Variants in GPM6B observed in about 807,000 individuals in gnomAD.
GPM6B encodes neuronal membrane glycoprotein M6-b.
Under a neutral mutation model 27.2 loss-of-function variants are expected in GPM6B, and 4 were observed. That is an observed-to-expected ratio of 0.15 (90% confidence interval 0.07 to 0.34). GPM6B has a LOEUF of 0.34. Among genes scored for constraint, GPM6B ranks in the 10% least tolerant of loss-of-function variants. The probability of loss-of-function intolerance (pLI) is 1.00; values close to 1 mark genes in which losing one functional copy is unlikely to be tolerated. For synonymous variants in GPM6B, 124 were observed against 103.1 expected, an observed-to-expected ratio of 1.20 and a Z score of -1.23; for missense variants, 183 against 261.9, an observed-to-expected ratio of 0.70 and a Z score of 2.08.
chrX:13,901,538 G>A (rs758354947), intron 1 of GPM6B, among the ~76,000 whole-genome samples: 5 of 110,778 alleles, frequency 4.5e-5, no homozygotes, highest in Admixed American at 9.7e-5. Flanking sequence ...CATCTGACTT[G>A]GTTTCACTCT....
intron 1 of GPM6B, among the ~76,000 whole-genome samples, chrX:13,873,093 G>C (rs947726371): frequency 9.0e-6 from 1 of 111,189 alleles, no homozygotes; most frequent in Admixed American, 9.6e-5. Context: ...GCAGAAATGG[G>C]GTCGGGAAAT....
chrX:13,834,747 C>G (rs902493728), intron 1 of GPM6B, among the ~76,000 whole-genome samples: 11 of 111,882 alleles, frequency 9.8e-5, no homozygotes, highest in African/African-American at 3.6e-4. Context: ...ATTTCTAGCT[C>G]TCAACCTGAG....
intron 1 of GPM6B, among the ~76,000 whole-genome samples, chrX:13,902,909 A>T (rs936424732): frequency 2.1e-4 from 24 of 111,953 alleles, no homozygotes; most frequent in African/African-American, 7.5e-4. Flanking sequence ...AGACTCAACG[A>T]AAGAGGACCC....
chrX:13,894,347 C>G (rs2050213564), intron 1 of GPM6B, among the ~76,000 whole-genome samples: 1 of 111,952 alleles, frequency 8.9e-6, no homozygotes, highest in African/African-American at 3.2e-5. Flanking sequence ...TTGAAAAAAA[C>G]TATGCAGTAT....
intron 1 of GPM6B, among the ~76,000 whole-genome samples, chrX:13,851,056 G>A (rs1181960688): frequency 1.9e-5 from 2 of 107,777 alleles, no homozygotes; most frequent in East Asian, 2.9e-4. Context: ...CCAGCTACTC[G>A]GGAGGCTGAG....
chrX:13,851,404 T>G, intron 1 of GPM6B, among the ~76,000 whole-genome samples: 1 of 110,645 alleles, frequency 9.0e-6, no homozygotes, highest in Non-Finnish European at 1.9e-5. Flanking sequence ...GAGGGGAAGA[T>G]TAAATAGATG....
At chrX:13,799,965 C>T (rs1250166139) in intron 2 of GPM6B, among the ~76,000 whole-genome samples, 1 of 111,893 alleles carries the variant, frequency 8.9e-6, no homozygotes, top group East Asian at 2.8e-4. Flanking sequence ...GTAATTCCTT[C>T]CCCTGAATGT....
intron 1 of GPM6B, among the ~76,000 whole-genome samples, chrX:13,915,027 G>A (rs1476560631): frequency 1.8e-5 from 2 of 110,937 alleles, no homozygotes; most frequent in Non-Finnish European, 3.8e-5. Context: ...CAGCACTTTG[G>A]GAGGCCAAGA....
chrX:13,798,138 G>A (rs1405977975), intron 2 of GPM6B, among the ~76,000 whole-genome samples: 5 of 110,911 alleles, frequency 4.5e-5, no homozygotes, highest in Non-Finnish European at 5.7e-5. Flanking sequence ...ACAAGAAAGC[G>A]TTTTCAGAAG....
rs868225227 is a variant in GPM6B, at chrX:13,860,443, T to G, written c.-197-74635A>C. Among the ~76,000 whole-genome samples the G allele has an allele frequency of 6.2e-3, 660 of 106,786 alleles. 5 individuals carry two copies. Among genetic ancestry groups the G allele is most frequent in the African/African-American group, 0.021 (616 of 29,145 alleles). The allele number at this position is 106,786 out of a possible 115,157, so 92.7% of individuals were successfully genotyped here. A position where few individuals can be genotyped will look rare whatever the true frequency, so the allele number is the denominator to read the frequency against. ...CTACAATCCCAAAACGTGGGGTTTT[T>G]TTTTTTTTTTTTGCTCTCAAAGAAT... On this transcript the variant is annotated intron_variant, in intron 1 of 6. Coordinates refer to the GPM6B transcript ENST00000398361.
intron 1 of GPM6B, among the ~76,000 whole-genome samples, chrX:13,865,571 G>GAAAGAAAAGA (rs1555923758): frequency 1.8e-5 from 1 of 54,609 alleles, no homozygotes; most frequent in Non-Finnish European, 3.6e-5. Context: ...AAGAAAGAAA[G>GAAAGAAAAGA]AAAGAAAAGA....
At chrX:13,938,173 A>G (rs1028505743) in intron 1 of GPM6B, among the ~76,000 whole-genome samples, 1 of 111,340 alleles carries the variant, frequency 9.0e-6, no homozygotes, top group Non-Finnish European at 1.9e-5. Context: ...CCCTTAAAAT[A>G]AAGCACTAGC....
intron 1 of GPM6B, among the ~76,000 whole-genome samples, chrX:13,872,612 C>T (rs1196091809): frequency 9.2e-6 from 1 of 108,811 alleles, no homozygotes; most frequent in Admixed American, 9.9e-5. Context: ...TGAGAGTTAA[C>T]ACAAAGACAG....
chrX:13,855,941 C>A lies in GPM6B; in HGVS notation c.-197-70133G>T, dbSNP rs1272487328. On this transcript the variant is annotated intron_variant, in intron 1 of 6. Coordinates refer to the GPM6B transcript ENST00000398361. ...TCACTCTCAGCTTCAGTTTCATCTACAAAATGAGTGGGTACAACTAGATGG... is the reference window on the plus strand; with the variant it reads ...TCACTCTCAGCTTCAGTTTCATCTAAAAAATGAGTGGGTACAACTAGATGG... Among the ~76,000 whole-genome samples, 3 of 111,404 alleles carry A rather than the reference C, an allele frequency of 2.7e-5. No homozygotes were observed. In the East Asian group the frequency reaches 8.5e-4, roughly 32 times the overall value.
chrX:13,831,340 T>C lies in GPM6B; in HGVS notation c.-197-45532A>G, dbSNP rs138554845. Among the ~76,000 whole-genome samples, 449 of 110,585 alleles carry C rather than the reference T, an allele frequency of 4.1e-3. 4 individuals are homozygous for C. Among genetic ancestry groups the C allele is most frequent in the African/African-American group, 0.014 (430 of 30,347 alleles). On this transcript the variant is annotated intron_variant, in intron 1 of 6. Coordinates refer to the GPM6B transcript ENST00000398361. ...TTGGCTCTGATGGTTGGGATGGGAA[T>C]TGGGAGGTCTCGGTTCTAAGGTTCT...
chrX:13,795,219 G>T (rs1290456539), intron 2 of GPM6B, among the ~76,000 whole-genome samples: 1 of 112,183 alleles, frequency 8.9e-6, no homozygotes, highest in Non-Finnish European at 1.9e-5. Context: ...TTTCCAAATA[G>T]CCAAGGGAAA....
intron 1 of GPM6B, among the ~76,000 whole-genome samples, chrX:13,886,482 TTACAG>T (rs1264609338): frequency 1.8e-5 from 2 of 109,278 alleles, no homozygotes; most frequent in East Asian, 5.7e-4. Context: ...ACTATGGACA[TTACAG>T]GGCATGGAAG....
chrX:13,822,129 C>G (rs1283063734), upstream of GPM6B, among the ~76,000 whole-genome samples: 2 of 111,260 alleles, frequency 1.8e-5, no homozygotes, highest in South Asian at 3.8e-4. Context: ...TTCTTTCTAA[C>G]TACTAATACC....
At chrX:13,884,124 G>A (rs1454849252) in intron 1 of GPM6B, among the ~76,000 whole-genome samples, 2 of 111,663 alleles carry the variant, frequency 1.8e-5, no homozygotes, top group Non-Finnish European at 3.8e-5. Context: ...GTTGCGGTGA[G>A]CCGAGATCCC....
Sources: gnomAD v4.1 joint callset for allele counts (sites outside exome capture counted in the v4.1 genomes callset) on GRCh38, gnomAD v4.1.1 for gene constraint, MANE v1.5 for transcripts, NCBI Gene and HGNC (gene_info 2026-07-23, HGNC 2026-07-21) for gene names.